The following PCDHGB6 variants were observed in gnomAD, a reference collection of about 807,000 sequenced individuals.
PCDHGB6 encodes protocadherin gamma subfamily B, 6, also known as protocadherin gamma-B6.
PCDHGB6 carries 51 observed loss-of-function variants against 59.1 expected under a neutral mutation model. The observed-to-expected ratio is 0.86, with a 90% confidence interval of 0.69 to 1.09. The LOEUF is 1.09. Ranked by LOEUF, PCDHGB6 falls within the 50% of genes least tolerant of loss-of-function variation. PCDHGB6 has a pLI of 0.00. For synonymous variants in PCDHGB6, 466 were observed against 495.1 expected (o/e 0.94, Z 0.78); for missense variants, 1,148 against 1,205.1 (o/e 0.95, Z 0.70).
chr5:141,408,412 G>A lies in PCDHGB6; in HGVS notation c.210G>A (p.Ala70=). ...DVSARKLRVS[A]EKLHFSVDAE... is the part of the protein sequence containing the mutation. ...CGGCTCGCAAGCTGCGAGTGAGCGC[G>A]GAGAAGCTGCACTTCAGCGTAGACG... is the stretch of plus-strand genomic sequence containing the variant. The change falls in exon 1 of 4, where the codon GCG becomes GCA. Residue 70 remains alanine, a synonymous_variant. Transcript: ENST00000520790. 2 of 1,614,052 alleles carry A rather than the reference G, an allele frequency of 1.2e-6. No homozygotes were observed. Among genetic ancestry groups the A allele is most frequent in the South Asian group, 1.1e-5 (1 of 91,090 alleles).
In PCDHGB6 at chr5:141,410,118, G is replaced by T. The variant is rs2095358965; in HGVS notation, c.1916G>T (p.Arg639Leu). Residue 639 changes from arginine to leucine, a missense_variant, in exon 1 of 4, where the codon CGC (arginine) becomes CTC (leucine). Arg to Leu is a moderately radical substitution (Grantham distance 102). Around this residue, in one of 5 missense-constraint regions of PCDHGB6, gnomAD observed 549 missense variants for 527.5 expected, o/e 1.04. Transcript: ENST00000520790. ...ARALGDRDAA[R>L]QRLLVAVRDG... ...GCCTTAGGCGACAGGGACGCAGCCC[G>T]CCAGCGCCTGCTGGTCGCTGTGCGT... The T allele has an allele frequency of 1.9e-6, 3 of 1,612,304 alleles. No individual in the cohort carries two copies. The highest frequency in any genetic ancestry group is 4.5e-5 in the East Asian group (2 of 44,868).
intron 1 of PCDHGB6, among the ~76,000 whole-genome samples, chr5:141,483,980 G>C (rs1379963326): frequency 2.0e-5 from 3 of 148,294 alleles, no homozygotes; most frequent in African/African-American, 7.5e-5. Flanking sequence ...CAAGGGAGTA[G>C]CTAGGTTGCT....
chr5:141,494,746 C>A lies in PCDHGB6; in HGVS notation c.2419-61C>A. 3 of 1,613,088 alleles carry A rather than the reference C, an allele frequency of 1.9e-6. No individual in the cohort carries two copies. The South Asian group carries it at 3.3e-5, about 18-fold the overall frequency. On this transcript the variant is annotated intron_variant, in intron 1 of 3. Coordinates refer to ENST00000520790, the MANE Select transcript of PCDHGB6 (RefSeq NM_018926.3). ...TTCTCTCCCGGCCCATCCCTAGGGG[C>A]TCGGGTGACATTCTAACTTCTCACG...
intron 1 of PCDHGB6, chr5:141,419,395 G>A: frequency 6.2e-7 from 1 of 1,613,596 alleles, no homozygotes; most frequent in Non-Finnish European, 8.5e-7. Context: ...CGCAGAGCGG[G>A]GTGGTGTTCG....
At chr5:141,425,381 A>C (rs1374877185) in intron 1 of PCDHGB6, among the ~76,000 whole-genome samples, 3 of 152,194 alleles carry the variant, frequency 2.0e-5, no homozygotes, top group African/African-American at 7.2e-5. Flanking sequence ...GTTGATTCGG[A>C]GGTAGTGATA....
At chr5:141,499,331 TCA>T (rs2099791249) in intron 2 of PCDHGB6, among the ~76,000 whole-genome samples, 1 of 152,220 alleles carries the variant, frequency 6.6e-6, no homozygotes, top group African/African-American at 2.4e-5. Context: ...CTGCTCTCTC[TCA>T]GTTTGGGCAG....
intron 1 of PCDHGB6, among the ~76,000 whole-genome samples, chr5:141,473,942 GC>G (rs1443545533): frequency 1.3e-5 from 2 of 152,124 alleles, no homozygotes; most frequent in African/African-American, 4.8e-5. Context: ...AGTAGCTCAG[GC>G]CTGTAGTCCC....
chr5:141,433,232 C>T (rs1344380820), intron 1 of PCDHGB6: 1 of 1,516,488 alleles, frequency 6.6e-7, no homozygotes, highest in Admixed American at 1.9e-5. Flanking sequence ...ATTGCTCTGT[C>T]TCCCAAGCTG....
Position 141,511,030 on chromosome 5 carries a change from C to A in PCDHGB6, c.2650C>A (p.Gln884Lys). 9 of 1,614,224 alleles carry A rather than the reference C, an allele frequency of 5.6e-6. No individual in the cohort carries two copies. Among genetic ancestry groups the A allele is most frequent in the Non-Finnish European group, 7.6e-6 (9 of 1,180,032 alleles). Residue 884 changes from glutamine (Q) to lysine (K), a missense_variant, in exon 4 of 4, where the codon CAG (glutamine) becomes AAG (lysine). Transcript: ENST00000520790. ...SARYGPQFTLQHVPDYRQNVY... is the reference protein window; with the variant it reads ...SARYGPQFTLKHVPDYRQNVY... ...CCGCTACGGACCCCAGTTCACCCTGCAGCACGTGCCCGACTACCGCCAGAA... is the reference window on the plus strand; with the variant it reads ...CCGCTACGGACCCCAGTTCACCCTGAAGCACGTGCCCGACTACCGCCAGAA...
At chr5:141,427,863 G>A (rs769808388) in intron 1 of PCDHGB6, 1 of 1,557,316 alleles carries the variant, frequency 6.4e-7, no homozygotes, top group Non-Finnish European at 8.8e-7. Context: ...GTGCGCCTTC[G>A]AGCTCACGAT....
intron 1 of PCDHGB6, among the ~76,000 whole-genome samples, chr5:141,468,963 C>G (rs951670777): frequency 1.3e-5 from 2 of 150,940 alleles, no homozygotes; most frequent in Admixed American, 6.6e-5. Context: ...TTTTTTTTAC[C>G]TTAGGCTTTT....
At chr5:141,424,245 A>T (rs1196753393) in intron 1 of PCDHGB6, 3 of 155,310 alleles carry the variant, frequency 1.9e-5, no homozygotes, top group African/African-American at 7.2e-5. Context: ...GGTGGCTGGT[A>T]ATATGCTTAG....
At chr5:141,497,212 G>T (rs968445663) in intron 2 of PCDHGB6, among the ~76,000 whole-genome samples, 3 of 150,900 alleles carry the variant, frequency 2.0e-5, no homozygotes, top group Non-Finnish European at 3.0e-5. Context: ...AGTGTAATGG[G>T]GGGGGGAAGA....
intron 1 of PCDHGB6, among the ~76,000 whole-genome samples, chr5:141,460,104 T>C (rs2098982178): frequency 6.6e-6 from 1 of 151,986 alleles, no homozygotes; most frequent in African/African-American, 2.4e-5. Flanking sequence ...CATGTAATTA[T>C]ATATGATTTT....
At chr5:141,479,056 A>G (rs952560687) in intron 1 of PCDHGB6, among the ~76,000 whole-genome samples, 1 of 152,098 alleles carries the variant, frequency 6.6e-6, no homozygotes, top group Admixed American at 6.5e-5. Context: ...TTCTCAGATA[A>G]TTTTTTATGA....
chr5:141,432,746 G>T lies in PCDHGB6; in HGVS notation c.2418+22126G>T, dbSNP rs772043134. The T allele has an allele frequency of 6.2e-7, 1 of 1,614,098 alleles. No individual in the cohort carries two copies. Among genetic ancestry groups the T allele is most frequent in the Non-Finnish European group, 8.5e-7 (1 of 1,179,992 alleles). Reference sequence around the variant, plus strand: ...CTCCGCCACTGTCACGCTCACCGTGGCCGTGGCCGACAGCATCCCCCAAGT... The same window carrying T: ...CTCCGCCACTGTCACGCTCACCGTGTCCGTGGCCGACAGCATCCCCCAAGT... On this transcript the variant is annotated intron_variant, in intron 1 of 3. Transcript: ENST00000520790. This position sits in a 1 kb window ranked among gnomAD's most constrained non-coding sequence, Gnocchi z 6.0.
chr5:141,430,826 CTG>C (rs2097313923), intron 1 of PCDHGB6: 1 of 1,550,416 alleles, frequency 6.4e-7, no homozygotes, highest in Non-Finnish European at 8.7e-7. Context: ...CCTGGGGACT[CTG>C]TGGGAGACCG....
In PCDHGB6 at chr5:141,431,961, A is replaced by C; in HGVS notation, c.2418+21341A>C. Reference sequence around the variant, plus strand: ...AAATTAGAAAAATCTTACGGAAATTACTATAGTTTAGTCACAGACATAGTC... The same window carrying C: ...AAATTAGAAAAATCTTACGGAAATTCCTATAGTTTAGTCACAGACATAGTC... On this transcript the variant is annotated intron_variant, in intron 1 of 3. Transcript: ENST00000520790. The surrounding 1 kb of genome is among the most constrained non-coding windows in gnomAD (Gnocchi z 4.8). 1 of 1,614,206 alleles carries C rather than the reference A, an allele frequency of 6.2e-7. No homozygotes were observed.
At chr5:141,478,559 A>T (rs938780510) in intron 1 of PCDHGB6, 1 of 1,599,454 alleles carries the variant, frequency 6.3e-7, no homozygotes, top group Non-Finnish European at 8.5e-7. Context: ...AAGGTTTAGC[A>T]AGTCATGCTT....
Sources: allele counts gnomAD v4.1 joint callset (sites outside exome capture counted in the v4.1 genomes callset), GRCh38; gene constraint gnomAD v4.1.1; regional missense constraint gnomAD v4.1.1; non-coding constraint Gnocchi (gnomAD v3.1); transcripts MANE v1.5; gene names NCBI Gene and HGNC (gene_info 2026-07-23, HGNC 2026-07-21).